LRRC4C: variants seen among roughly 807,000 people sequenced by gnomAD.
The protein encoded by LRRC4C is leucine rich repeat containing 4C, also known as leucine-rich repeat-containing protein 4C.
A neutral mutation model predicts 33.6 loss-of-function variants in LRRC4C; 5 were observed. The ratio of observed to expected loss-of-function variants is 0.15; its 90% CI spans 0.08 to 0.31. LRRC4C has a LOEUF of 0.31. Among genes scored for constraint, LRRC4C ranks in the 10% least tolerant of loss-of-function variants. The pLI is 1.00. For missense variants in LRRC4C, 560 were observed against 796.7 expected (o/e 0.70, Z 3.58); for synonymous variants, 329 against 302.0 (o/e 1.09, Z -0.93).
intron 1 of LRRC4C, among the ~76,000 whole-genome samples, chr11:41,249,627 C>T (rs1159932717): frequency 6.6e-6 from 1 of 152,128 alleles, no homozygotes; most frequent in Non-Finnish European, 1.5e-5. Context: ...TTAAACAGCC[C>T]TAGGATGTTT....
intron 1 of LRRC4C, among the ~76,000 whole-genome samples, chr11:41,270,254 G>A (rs367937170): frequency 4.6e-5 from 7 of 151,966 alleles, no homozygotes; most frequent in South Asian, 2.1e-4. Context: ...CACTCTGCAC[G>A]TATCCCATTA....
chr11:40,649,171 G>C (rs1942639459), intron 2 of LRRC4C, among the ~76,000 whole-genome samples: 1 of 152,088 alleles, frequency 6.6e-6, no homozygotes, highest in South Asian at 2.1e-4. Context: ...CAGAGAACTG[G>C]TCTGACCAAA....
intron 3 of LRRC4C, among the ~76,000 whole-genome samples, chr11:40,390,825 C>A (rs1053992898): frequency 5.3e-5 from 8 of 151,720 alleles, no homozygotes; most frequent in African/African-American, 1.7e-4. Context: ...AAAACTCAGA[C>A]CTCCTTCATA....
chr11:40,537,239 C>A (rs1956513152), intron 3 of LRRC4C, among the ~76,000 whole-genome samples: 1 of 152,122 alleles, frequency 6.6e-6, no homozygotes, highest in South Asian at 2.1e-4. Context: ...TGTGATGATT[C>A]CATCCAGGGT....
At chr11:40,285,972 A>C (rs1290058504) in intron 4 of LRRC4C, among the ~76,000 whole-genome samples, 1 of 151,986 alleles carries the variant, frequency 6.6e-6, no homozygotes, top group African/African-American at 2.4e-5. Flanking sequence ...GGATTAAAGA[A>C]AAAAAAATAC....
At chr11:41,086,517 G>A (rs924668045) in intron 1 of LRRC4C, among the ~76,000 whole-genome samples, 3 of 152,042 alleles carry the variant, frequency 2.0e-5, no homozygotes, top group Admixed American at 6.6e-5. Flanking sequence ...CAGGTAGCAT[G>A]TTCCTTTCAT....
chr11:40,170,878 T>C (rs577657910), intron 5 of LRRC4C, among the ~76,000 whole-genome samples: 15 of 152,122 alleles, frequency 9.9e-5, no homozygotes, highest in Non-Finnish European at 1.8e-4. Flanking sequence ...TACAAACTTT[T>C]GGGAGACTAC....
chr11:41,010,932 G>A (rs2137527145), intron 1 of LRRC4C, among the ~76,000 whole-genome samples: 1 of 152,214 alleles, frequency 6.6e-6, no homozygotes, highest in South Asian at 2.1e-4. Flanking sequence ...AAATATTGGA[G>A]CCCAAAGGAA....
At chr11:41,122,024 C>A (rs752853131) in intron 1 of LRRC4C, among the ~76,000 whole-genome samples, 1 of 151,942 alleles carries the variant, frequency 6.6e-6, no homozygotes, top group African/African-American at 2.4e-5. Flanking sequence ...TGTAGAATAA[C>A]GTCAAATTTG....
At chr11:41,092,133 G>A (rs576725567) in intron 1 of LRRC4C, among the ~76,000 whole-genome samples, 6 of 151,976 alleles carry the variant, frequency 3.9e-5, no homozygotes, top group South Asian at 2.1e-4. Context: ...TTTATTTTTT[G>A]TAGGCTAGAA....
chr11:40,683,524 TTAATAAC>T (rs60768793), intron 2 of LRRC4C, among the ~76,000 whole-genome samples: 5,778 of 151,966 alleles, frequency 0.038, 374 homozygotes, highest in African/African-American at 0.13. Context: ...CATTTTAAAA[TTAATAAC>T]TGATATAAAA....
At chr11:41,338,942 G>GAATAA (rs1440355800) in intron 1 of LRRC4C, among the ~76,000 whole-genome samples, 3 of 151,790 alleles carry the variant, frequency 2.0e-5, no homozygotes, top group Non-Finnish European at 4.4e-5. Flanking sequence ...CTTGCTACTA[G>GAATAA]AATAAAATAA....
chr11:41,380,928 C>T (rs1251186339), intron 1 of LRRC4C, among the ~76,000 whole-genome samples: 1 of 152,118 alleles, frequency 6.6e-6, no homozygotes, highest in African/African-American at 2.4e-5. Context: ...GAAAACTTAT[C>T]ACTATTAATA....
intron 1 of LRRC4C, among the ~76,000 whole-genome samples, chr11:41,188,761 T>C (rs531611800): frequency 6.6e-6 from 1 of 151,476 alleles, no homozygotes; most frequent in Non-Finnish European, 1.5e-5. Context: ...AAATAAATGG[T>C]TTCTAAAATG....
At chr11:40,892,162 A>AAAAAAG (rs910408116) in intron 2 of LRRC4C, among the ~76,000 whole-genome samples, 32 of 151,472 alleles carry the variant, frequency 2.1e-4, no homozygotes, top group Non-Finnish European at 1.2e-4. Flanking sequence ...ATAGAAAAAG[A>AAAAAAG]AAAAAGAAGT....
chr11:41,075,683 A>G (rs1939096695), intron 1 of LRRC4C, among the ~76,000 whole-genome samples: 1 of 151,970 alleles, frequency 6.6e-6, no homozygotes, highest in Non-Finnish European at 1.5e-5. Context: ...CATTCACTAC[A>G]TTTTTTTCTC....
At position 40,389,683 on chromosome 11, in the gene LRRC4C, T is replaced by C. The variant is rs116150982; in HGVS notation, c.-269-69962A>G. 5.2e-3 allele frequency among the ~76,000 whole-genome samples: 791 copies of C among 152,214 alleles called. 5 individuals are homozygous for C. The highest frequency in any genetic ancestry group is 0.018 in the African/African-American group (756 of 41,538). ...TTCCCTAATAATCTCCCCTAAATAT[T>C]GACTTCCAAGGACTACAGTGAAGGA... On this transcript the variant is annotated intron_variant, in intron 3 of 6. Coordinates refer to ENST00000528697, the MANE Select transcript of LRRC4C (RefSeq NM_001258419.2).
intron 4 of LRRC4C, among the ~76,000 whole-genome samples, chr11:40,258,721 GA>G (rs1406534396): frequency 6.6e-6 from 1 of 152,144 alleles, no homozygotes. Flanking sequence ...TCAATAGAAG[GA>G]GAGAAAAACT....
At chr11:40,669,634 C>A (rs1943984936) in intron 2 of LRRC4C, among the ~76,000 whole-genome samples, 2 of 152,342 alleles carry the variant, frequency 1.3e-5, no homozygotes, top group Admixed American at 1.3e-4. Context: ...ACAAGACCCT[C>A]CGTTGTGTTT....
Sources: gnomAD v4.1 joint callset for allele counts (sites outside exome capture counted in the v4.1 genomes callset) on GRCh38, gnomAD v4.1.1 for gene constraint, MANE v1.5 for transcripts, NCBI Gene and HGNC (gene_info 2026-07-23, HGNC 2026-07-21) for gene names.